GARIN1B: variants seen among roughly 807,000 people sequenced by gnomAD.
GARIN1B encodes Golgi-associated RAB2 interactor protein 1B.
the GARIN1B span, among the ~76,000 whole-genome samples, chr7:128,722,815 T>C: frequency 4.7e-4 from 71 of 151,882 alleles, no homozygotes; most frequent in South Asian, 3.5e-3. Context: ...AAAAAAAAAC[T>C]CCACTAATTA....
chr7:128,715,737 T>G, the GARIN1B span: 3 of 1,498,690 alleles, frequency 2.0e-6, no homozygotes, highest in African/African-American at 4.1e-5. Context: ...CTTCGAAACC[T>G]GTTCCCAAGA....
chr7:128,722,159 A>G, the GARIN1B span, among the ~76,000 whole-genome samples: 1 of 152,214 alleles, frequency 6.6e-6, no homozygotes, highest in Non-Finnish European at 1.5e-5. Context: ...CTATTTTCTG[A>G]AAGAATTCAT....
the GARIN1B span, among the ~76,000 whole-genome samples, chr7:128,711,977 G>A: frequency 6.6e-6 from 1 of 152,142 alleles, no homozygotes; most frequent in Non-Finnish European, 1.5e-5. Flanking sequence ...GGAGGCGGAG[G>A]TTGCAGTGAG....
At chr7:128,715,462 T>C in the GARIN1B span, 2 of 1,613,964 alleles carry the variant, frequency 1.2e-6, no homozygotes, top group Admixed American at 1.7e-5. Context: ...CATTTCCACA[T>C]AGAAAGACTT....
At chr7:128,710,456 A>G in the GARIN1B span, among the ~76,000 whole-genome samples, 4 of 152,102 alleles carry the variant, frequency 2.6e-5, no homozygotes, top group Admixed American at 6.6e-5. Context: ...CTCAATCTGT[A>G]TGTTGGATCA....
At chr7:128,724,712 C>T in the GARIN1B span, 1 of 1,287,672 alleles carries the variant, frequency 7.8e-7, no homozygotes, top group Non-Finnish European at 1.0e-6. Context: ...AATAAATTAG[C>T]AAATGTCACC....
the GARIN1B span, among the ~76,000 whole-genome samples, chr7:128,728,433 C>T: frequency 1.5e-5 from 1 of 67,786 alleles, no homozygotes; most frequent in Non-Finnish European, 2.9e-5. Context: ...CAGAGCGAGA[C>T]TCAGACTTAA....
the GARIN1B span, chr7:128,731,164 T>G: frequency 6.5e-6 from 10 of 1,528,246 alleles, no homozygotes; most frequent in Admixed American, 1.0e-4. Flanking sequence ...CAACACCACT[T>G]TGCAGCATTC....
chr7:128,728,168 G>T, the GARIN1B span, among the ~76,000 whole-genome samples: 1 of 152,186 alleles, frequency 6.6e-6, no homozygotes, highest in African/African-American at 2.4e-5. Context: ...AGGGGGCAGG[G>T]CGCGGTGGCT....
chr7:128,719,807 C>T, the GARIN1B span, among the ~76,000 whole-genome samples: 1 of 139,382 alleles, frequency 7.2e-6, no homozygotes, highest in African/African-American at 2.7e-5. Context: ...TCAAGTGATT[C>T]TCCTGCCTCA....
the GARIN1B span, among the ~76,000 whole-genome samples, chr7:128,710,333 A>T: frequency 6.6e-6 from 1 of 152,212 alleles, no homozygotes; most frequent in Non-Finnish European, 1.5e-5. Context: ...AATATAGTAC[A>T]TTCTGTTCTT....
the GARIN1B span, chr7:128,717,011 A>G: frequency 4.4e-6 from 7 of 1,594,300 alleles, no homozygotes; most frequent in Non-Finnish European, 6.0e-6. Context: ...AGCAATGCAG[A>G]TGAGAATGGA....
the GARIN1B span, among the ~76,000 whole-genome samples, chr7:128,710,561 A>T: frequency 6.6e-6 from 1 of 152,082 alleles, no homozygotes; most frequent in Non-Finnish European, 1.5e-5. Flanking sequence ...TTATTGTGTC[A>T]TATTCTCAAG....
At chr7:128,729,948 A>G in the GARIN1B span, 1 of 1,614,028 alleles carries the variant, frequency 6.2e-7, no homozygotes, top group Admixed American at 1.7e-5. Context: ...CCTGTGACCT[A>G]CGTTGGAGGG....
At chr7:128,726,046 C>T in the GARIN1B span, among the ~76,000 whole-genome samples, 3 of 152,078 alleles carry the variant, frequency 2.0e-5, no homozygotes, top group Admixed American at 1.3e-4. Flanking sequence ...TGGTGGAAGG[C>T]CAGTGGGGAA....
the GARIN1B span, chr7:128,724,692 A>C: frequency 7.0e-6 from 9 of 1,284,942 alleles, no homozygotes; most frequent in South Asian, 8.7e-5. Flanking sequence ...AATAGAAAGG[A>C]GAGAACAGAA....
the GARIN1B span, among the ~76,000 whole-genome samples, chr7:128,717,981 T>C: frequency 6.6e-6 from 1 of 152,148 alleles, no homozygotes; most frequent in Non-Finnish European, 1.5e-5. Flanking sequence ...ATGATGTTCT[T>C]GGTGTACCTC....
At chr7:128,713,879 A>C in the GARIN1B span, 8 of 957,818 alleles carry the variant, frequency 8.4e-6, no homozygotes, top group African/African-American at 1.6e-5. Flanking sequence ...CAACGTATCA[A>C]TTTATTAATT....
At chr7:128,719,017 C>T in the GARIN1B span, 1 of 1,614,124 alleles carries the variant, frequency 6.2e-7, no homozygotes, top group Non-Finnish European at 8.5e-7. Flanking sequence ...CCACCAAAGA[C>T]CCTAGGATTC....
Sources: gnomAD v4.1 joint callset for allele counts (sites outside exome capture counted in the v4.1 genomes callset) on GRCh38, gnomAD v4.1.1 for gene constraint, MANE v1.5 for transcripts, NCBI Gene and HGNC (gene_info 2026-07-23, HGNC 2026-07-21) for gene names.